Variants in LRRC36 observed in about 807,000 individuals in gnomAD.
LRRC36 encodes the protein leucine-rich repeat-containing protein 36.
A neutral mutation model predicts 81.1 loss-of-function variants in LRRC36; 62 were observed. The observed-to-expected ratio is 0.76, with a 90% CI of 0.62 to 0.94. The LOEUF is 0.94. LRRC36 is among the 40% of genes least tolerant of loss of function. LRRC36 has a pLI of 0.00. For missense variants in LRRC36, 761 were observed against 881.7 expected (o/e 0.86, Z 1.73); for synonymous variants, 334 against 348.6 (o/e 0.96, Z 0.47).
intron 4 of LRRC36, among the ~76,000 whole-genome samples, chr16:67,348,247 A>T (rs1014982395): frequency 6.6e-6 from 1 of 152,222 alleles, no homozygotes; most frequent in African/African-American, 2.4e-5. Context: ...TACAATTGAG[A>T]GTTAACTATT....
intron 11 of LRRC36, 135 bp downstream of exon 11, chr16:67,377,007 T>G (rs2039926877): frequency 2.5e-5 from 24 of 944,658 alleles, no homozygotes; most frequent in Non-Finnish European, 3.4e-5. Context: ...ATACAAAACT[T>G]GCTAGGACAG....
At position 67,355,460 on chromosome 16, in the gene LRRC36, C is replaced by T. The variant is rs559701272; in HGVS notation, c.577+5170C>T. The stretch of plus-strand genomic sequence containing the variant: ...CGGGATCTCGGCTCACTGCAAGCTC[C>T]GCCTCCCGGGTTCACGCCATTCTCC... On this transcript the variant is annotated intron_variant, in intron 5 of 13. Coordinates refer to ENST00000329956, the MANE Select transcript of LRRC36 (RefSeq NM_018296.6). Among the ~76,000 whole-genome samples, 606 of 146,570 alleles carry T rather than the reference C, an allele frequency of 4.1e-3. 3 individuals carry two copies. Among genetic ancestry groups the T allele is most frequent in the Middle Eastern group, 0.01 (3 of 290 alleles).
intron 5 of LRRC36, among the ~76,000 whole-genome samples, chr16:67,351,210 G>A (rs1432109430): frequency 6.6e-6 from 1 of 152,054 alleles, no homozygotes; most frequent in Non-Finnish European, 1.5e-5. Flanking sequence ...ATATTCTTCG[G>A]TCTCAGTGCC....
chr16:67,350,096 G>T, intron 4 of LRRC36, 106 bp from the exon 5 acceptor site: 1 of 738,108 alleles, frequency 1.4e-6, no homozygotes, highest in South Asian at 1.8e-5. Flanking sequence ...TAGAGCATTT[G>T]AGAAAAATCT....
intron 1 of LRRC36, 43 bp downstream of exon 1, chr16:67,326,975 A>G: frequency 6.8e-7 from 1 of 1,469,400 alleles, no homozygotes; most frequent in South Asian, 1.4e-5. Flanking sequence ...ACGTAGGGTC[A>G]GAAGCTGTGG....
intron 4 of LRRC36, among the ~76,000 whole-genome samples, chr16:67,349,023 C>T (rs1189417884): frequency 6.6e-6 from 1 of 152,058 alleles, no homozygotes; most frequent in Non-Finnish European, 1.5e-5. Context: ...GGTTACTTTG[C>T]ATGGAATAGT....
intron 1 of LRRC36, among the ~76,000 whole-genome samples, chr16:67,332,969 G>C (rs1382634147): frequency 6.6e-6 from 1 of 151,650 alleles, no homozygotes; most frequent in African/African-American, 2.4e-5. Context: ...ATGGCTCACT[G>C]CAGTCCCGAC....
At chr16:67,382,807 C>G (rs898934872) in intron 13 of LRRC36, among the ~76,000 whole-genome samples, 3 of 152,172 alleles carry the variant, frequency 2.0e-5, no homozygotes, top group African/African-American at 7.2e-5. Flanking sequence ...CGTGGTGAAA[C>G]TCCGTCTCTA....
intron 1 of LRRC36, among the ~76,000 whole-genome samples, chr16:67,334,318 C>CAGTCGT: frequency 6.7e-6 from 1 of 150,272 alleles, no homozygotes; most frequent in South Asian, 2.1e-4. Context: ...CGCGCCTGGC[C>CAGTCGT]GTCCACCATT....
At chr16:67,345,240 G>A (rs541385127) in intron 2 of LRRC36, among the ~76,000 whole-genome samples, 5 of 151,812 alleles carry the variant, frequency 3.3e-5, no homozygotes, top group African/African-American at 9.7e-5. Context: ...CTTGAGCCCA[G>A]GAAGTCAGGG....
intron 9 of LRRC36, among the ~76,000 whole-genome samples, chr16:67,373,194 AAAAT>A (rs1198503075): frequency 2.0e-5 from 3 of 152,218 alleles, no homozygotes; most frequent in Non-Finnish European, 2.9e-5. Context: ...TCTACAAAAA[AAAAT>A]AAATAAACAA....
At chr16:67,361,002 G>A (rs1567487017) in intron 5 of LRRC36, among the ~76,000 whole-genome samples, 2 of 152,166 alleles carry the variant, frequency 1.3e-5, no homozygotes, top group African/African-American at 4.8e-5. Context: ...GATCAAGAGT[G>A]GAAAAACGTT....
In LRRC36 at chr16:67,371,039, C is replaced by T. The variant is rs144677421; in HGVS notation, c.1291C>T (p.His431Tyr). The change falls in exon 9 of 14, where the codon CAT becomes TAT. Residue 431 changes from histidine to tyrosine, a missense_variant. Physicochemically the swap from His to Tyr is moderately conservative, Grantham distance 83. Coordinates refer to ENST00000329956, the MANE Select transcript of LRRC36 (RefSeq NM_018296.6). Reference sequence around the variant, plus strand: ...CAGCCTGGATGATTTAACACCAGCACATGGTTCTGTCCCAAACAACGCTGT... The same window carrying T: ...CAGCCTGGATGATTTAACACCAGCATATGGTTCTGTCCCAAACAACGCTGT... ...STSLDDLTPA[H>Y]GSVPNNAVLG... The T allele has an allele frequency of 8.6e-5, 139 of 1,614,050 alleles. 1 individual carries two copies. In the Middle Eastern group the frequency reaches 1.6e-3, roughly 19 times the overall value.
At chr16:67,382,059 C>A in intron 12 of LRRC36, 74 bp from the exon 13 acceptor site, 1 of 1,004,958 alleles carries the variant, frequency 1.0e-6, no homozygotes, top group Non-Finnish European at 1.5e-6. Context: ...AGATGTCCAT[C>A]TGAATACTTA....
intron 4 of LRRC36, among the ~76,000 whole-genome samples, 173 bp from the exon 5 acceptor site, chr16:67,350,029 G>A (rs2038545386): frequency 6.6e-6 from 1 of 152,122 alleles, no homozygotes; most frequent in Admixed American, 6.5e-5. Flanking sequence ...CCAAAGTGCT[G>A]GGATTACAGG....
chr16:67,364,524 A>G (rs1413574986), intron 6 of LRRC36, among the ~76,000 whole-genome samples: 4 of 152,192 alleles, frequency 2.6e-5, no homozygotes, highest in Non-Finnish European at 5.9e-5. Context: ...GGTATAGACT[A>G]CCTTCATCTT....
intron 13 of LRRC36, among the ~76,000 whole-genome samples, chr16:67,383,642 CCTT>C (rs1246209412): frequency 6.6e-6 from 1 of 152,176 alleles, no homozygotes; most frequent in African/African-American, 2.4e-5. Flanking sequence ...CAGAAATAAT[CCTT>C]CTGAAACCAT....
At chr16:67,365,209 C>A in intron 6 of LRRC36, 95 bp from the exon 7 acceptor site, 1 of 707,442 alleles carries the variant, frequency 1.4e-6, no homozygotes, top group East Asian at 2.7e-5. Context: ...TAGTCTTTCC[C>A]ATTAATAGGA....
chr16:67,351,120 C>T (rs1597455137), intron 5 of LRRC36, among the ~76,000 whole-genome samples: 2 of 152,266 alleles, frequency 1.3e-5, no homozygotes, highest in South Asian at 2.1e-4. Context: ...AAGCTTTCCA[C>T]CAGAGAAGTT....
Sources: gnomAD v4.1 joint callset for allele counts (sites outside exome capture counted in the v4.1 genomes callset) on GRCh38, gnomAD v4.1.1 for gene constraint, MANE v1.5 for transcripts, NCBI Gene and HGNC (gene_info 2026-07-23, HGNC 2026-07-21) for gene names.